ERC2: variants seen among roughly 807,000 people sequenced by gnomAD.
The protein encoded by ERC2 is ERC protein 2.
ERC2 carries 42 observed loss-of-function variants against 114.8 expected under a neutral mutation model. The ratio of observed to expected loss-of-function variants is 0.37; its 90% CI spans 0.29 to 0.47. The LOEUF is 0.47. Among genes scored for constraint, ERC2 ranks in the 20% least tolerant of loss-of-function variants. ERC2 has a pLI of 0.99. For synonymous variants in ERC2, 454 were observed against 425.5 expected (o/e 1.07, Z -0.82); for missense variants, 939 against 1,150.7 (o/e 0.82, Z 2.66).
At chr3:56,219,028 C>A (rs538840582) in intron 3 of ERC2, among the ~76,000 whole-genome samples, 200 of 152,136 alleles carry the variant, frequency 1.3e-3, no homozygotes, top group Non-Finnish European at 2.3e-3. Flanking sequence ...AGGAGATATA[C>A]CTAATGTAAA....
At chr3:55,640,366 C>T (rs187995596) in intron 17 of ERC2, among the ~76,000 whole-genome samples, 20 of 152,318 alleles carry the variant, frequency 1.3e-4, no homozygotes, top group South Asian at 6.2e-4. Flanking sequence ...ACCTTTCTAA[C>T]GATCCTACCT....
chr3:55,761,744 C>T (rs1008108808), intron 14 of ERC2, among the ~76,000 whole-genome samples: 14 of 151,874 alleles, frequency 9.2e-5, no homozygotes, highest in Admixed American at 2.6e-4. Context: ...GGTTTTGTGG[C>T]GGGCGCCTGT....
intron 6 of ERC2, among the ~76,000 whole-genome samples, chr3:56,101,008 C>T (rs2078323625): frequency 6.6e-6 from 1 of 152,222 alleles, no homozygotes; most frequent in Non-Finnish European, 1.5e-5. Context: ...CTCTGTTTTT[C>T]TCTTCATACT....
chr3:56,133,687 A>G (rs2080337178), intron 6 of ERC2, among the ~76,000 whole-genome samples: 1 of 152,206 alleles, frequency 6.6e-6, no homozygotes, highest in Non-Finnish European at 1.5e-5. Flanking sequence ...GTGGTGAGTC[A>G]GTTTTAAAAT....
chr3:55,950,480 A>G lies in ERC2; in HGVS notation c.2348T>C (p.Leu783Pro), dbSNP rs532433820. Residue 783 changes from leucine to proline, a missense_variant, in exon 13 of 18, where the codon CTA becomes CCA. Around this residue, in one of 5 missense-constraint regions of ERC2, gnomAD observed 328 missense variants for 353.9 expected, o/e 0.93. Transcript: ENST00000288221. The stretch of plus-strand genomic sequence containing the variant: ...GTCTTCTCGCCTGCGCACTTCTTCT[A>G]GTAACTGAGCATTTTTCTTCTTTTC... The part of the protein sequence containing the change: ...QLEKKKNAQL[L>P]EEVRRREDSM... The G allele has an allele frequency of 6.2e-7, 1 of 1,614,046 alleles. No individual in the cohort carries two copies. Among genetic ancestry groups the G allele is most frequent in the South Asian group, 1.1e-5 (1 of 91,082 alleles).
intron 4 of ERC2, among the ~76,000 whole-genome samples, chr3:56,161,057 A>G (rs1037758058): frequency 2.6e-5 from 4 of 152,174 alleles, no homozygotes; most frequent in African/African-American, 9.7e-5. Flanking sequence ...TCCTTCATGA[A>G]TGGTTTAACA....
chr3:56,189,326 T>C (rs1471767180), intron 3 of ERC2, among the ~76,000 whole-genome samples: 1 of 152,228 alleles, frequency 6.6e-6, no homozygotes, highest in Non-Finnish European at 1.5e-5. Context: ...CTTGATGGAA[T>C]GCAAGAGCTC....
At chr3:55,833,422 T>C (rs1017480999) in intron 14 of ERC2, among the ~76,000 whole-genome samples, 6 of 151,748 alleles carry the variant, frequency 4.0e-5, no homozygotes, top group African/African-American at 7.3e-5. Flanking sequence ...CGGCAGAAAC[T>C]CTACAAGCCA....
intron 16 of ERC2, among the ~76,000 whole-genome samples, chr3:55,687,466 G>A (rs2062393125): frequency 6.6e-6 from 1 of 151,972 alleles, no homozygotes; most frequent in Admixed American, 6.5e-5. Flanking sequence ...TCCTAATGGG[G>A]ATCTTACTGT....
intron 2 of ERC2, among the ~76,000 whole-genome samples, chr3:56,357,255 C>A (rs562016859): frequency 6.6e-6 from 1 of 152,362 alleles, no homozygotes; most frequent in East Asian, 1.9e-4. Flanking sequence ...TAACAGCAAC[C>A]TTTACTGGGG....
At chr3:55,960,834 G>A (rs974919758) in intron 12 of ERC2, among the ~76,000 whole-genome samples, 12 of 151,710 alleles carry the variant, frequency 7.9e-5, no homozygotes, top group African/African-American at 2.9e-4. Context: ...TCCACTGCCT[G>A]TAAAACCACC....
At chr3:55,983,096 A>C (rs1191806963) in intron 12 of ERC2, among the ~76,000 whole-genome samples, 3 of 152,186 alleles carry the variant, frequency 2.0e-5, no homozygotes, top group Admixed American at 6.5e-5. Context: ...ACTTGCTCCA[A>C]AGATGGCTCC....
At chr3:55,941,249 A>C (rs923465443) in intron 13 of ERC2, among the ~76,000 whole-genome samples, 20 of 152,118 alleles carry the variant, frequency 1.3e-4, no homozygotes, top group African/African-American at 4.8e-4. Flanking sequence ...GGTGTCAATG[A>C]AGAGGGTGCA....
intron 17 of ERC2, among the ~76,000 whole-genome samples, chr3:55,674,144 A>G (rs2061683077): frequency 6.6e-6 from 1 of 152,204 alleles, no homozygotes; most frequent in Admixed American, 6.5e-5. Context: ...TCTTAAAATT[A>G]TAAACAGATG....
intron 17 of ERC2, chr3:55,607,987 G>A (rs2058717282): frequency 6.6e-6 from 1 of 151,496 alleles, no homozygotes; most frequent in East Asian, 1.9e-4. Flanking sequence ...CCTCCATGTG[G>A]GGGAAAAAAA....
At chr3:56,339,432 G>A (rs1202252025) in intron 2 of ERC2, among the ~76,000 whole-genome samples, 1 of 152,098 alleles carries the variant, frequency 6.6e-6, no homozygotes, top group Non-Finnish European at 1.5e-5. Context: ...AGGACACTCA[G>A]AATACTTTGG....
At chr3:56,343,294 A>T (rs2058174892) in intron 2 of ERC2, among the ~76,000 whole-genome samples, 1 of 151,686 alleles carries the variant, frequency 6.6e-6, no homozygotes, top group Non-Finnish European at 1.5e-5. Flanking sequence ...ACATTTCCCC[A>T]TTAGAATGAA....
intron 16 of ERC2, among the ~76,000 whole-genome samples, chr3:55,689,741 C>T (rs1301010185): frequency 1.3e-5 from 2 of 149,988 alleles, no homozygotes; most frequent in East Asian, 2.0e-4. Flanking sequence ...TGCGGTGAGC[C>T]GAGATCGCGC....
intron 7 of ERC2, among the ~76,000 whole-genome samples, chr3:56,058,585 G>A (rs2076111257): frequency 6.6e-6 from 1 of 152,178 alleles, no homozygotes; most frequent in East Asian, 1.9e-4. Context: ...GAAGTCAGTG[G>A]ACTTTAAGTA....
Sources: gnomAD v4.1 joint callset for allele counts (sites outside exome capture counted in the v4.1 genomes callset) on GRCh38, gnomAD v4.1.1 for gene constraint, gnomAD v4.1.1 regional missense constraint, MANE v1.5 for transcripts, NCBI Gene and HGNC (gene_info 2026-07-23, HGNC 2026-07-21) for gene names.